SLC6A3: variants seen among roughly 807,000 people sequenced by gnomAD.
SLC6A3 encodes solute carrier family 6 member 3.
SLC6A3 carries 19 observed loss-of-function variants against 70.4 expected under a neutral mutation model. The ratio of observed to expected loss-of-function variants is 0.27; its 90% CI spans 0.19 to 0.40. The LOEUF is 0.40. Ranked by LOEUF, SLC6A3 falls within the 10% of genes least tolerant of loss-of-function variation. The pLI is 1.00. For missense variants in SLC6A3, 613 were observed against 838.5 expected (o/e 0.73, Z 3.32); for synonymous variants, 368 against 356.6 (o/e 1.03, Z -0.36).
chr5:1,419,787 C>T (rs1331939945), intron 6 of SLC6A3, among the ~76,000 whole-genome samples: 1 of 145,056 alleles, frequency 6.9e-6, no homozygotes, highest in Non-Finnish European at 1.5e-5. Context: ...GGCACACTTC[C>T]ACCCCCACCC....
At position 1,396,641 on chromosome 5, in the gene SLC6A3, G is replaced by T. The variant is rs745801306; in HGVS notation, c.1840-1883C>A. Among the ~76,000 whole-genome samples the T allele has an allele frequency of 1.3e-5, 2 of 150,172 alleles. No individual in the cohort carries two copies. The highest frequency in any genetic ancestry group is 4.8e-5 in the African/African-American group (2 of 41,304). Reference sequence around the variant, plus strand: ...CTGAGGGTTCAGACGAGCACATCCCGCTGTGAATGAGGAGGCTGGGGAGAG... The same window carrying T: ...CTGAGGGTTCAGACGAGCACATCCCTCTGTGAATGAGGAGGCTGGGGAGAG... On this transcript the variant is annotated intron_variant, in intron 14 of 14. Transcript: ENST00000270349. The surrounding 1 kb of genome is among the most constrained non-coding windows in gnomAD (Gnocchi z 7.0).
chr5:1,423,659 C>G (rs1025227989), intron 4 of SLC6A3, among the ~76,000 whole-genome samples: 2 of 152,212 alleles, frequency 1.3e-5, no homozygotes, highest in Non-Finnish European at 2.9e-5. Flanking sequence ...GCTCCTTGCC[C>G]CAGGCACAGG....
chr5:1,398,436 G>A (rs1335583226), intron 14 of SLC6A3, among the ~76,000 whole-genome samples: 1 of 151,506 alleles, frequency 6.6e-6, no homozygotes, highest in Non-Finnish European at 1.5e-5. Context: ...ATAAAAATGA[G>A]TGAACCAAGA....
intron 2 of SLC6A3, among the ~76,000 whole-genome samples, chr5:1,441,860 T>G (rs1353509688): frequency 6.6e-6 from 1 of 152,130 alleles, no homozygotes; most frequent in East Asian, 1.9e-4. Context: ...CCTCTTTGCC[T>G]CTTGAGTTGT....
rs569552884 is a variant in SLC6A3, at chr5:1,417,099, A to G, written c.928-898T>C. Among the ~76,000 whole-genome samples, 3 of 151,330 alleles carry G rather than the reference A, an allele frequency of 2.0e-5. No homozygotes were observed. In the East Asian group the frequency reaches 5.9e-4, roughly 30 times the overall value. On this transcript the variant is annotated intron_variant, in intron 6 of 14. Transcript: ENST00000270349. Reference sequence around the variant, plus strand: ...CACAACCCCCTGAGTGTGTCCCCCCATCCCATGTGCGCCCTGCTGCATGAT... The same window carrying G: ...CACAACCCCCTGAGTGTGTCCCCCCGTCCCATGTGCGCCCTGCTGCATGAT...
At chr5:1,407,014 C>T (rs3776511) in intron 11 of SLC6A3, among the ~76,000 whole-genome samples, 22,561 of 152,228 alleles carry the variant, frequency 0.15, 1,926 homozygotes, top group Non-Finnish European at 0.2. Flanking sequence ...ATGAGTATAC[C>T]GTCACTGTGT....
At chr5:1,417,294 G>T (rs562928505) in intron 6 of SLC6A3, among the ~76,000 whole-genome samples, 1 of 151,760 alleles carries the variant, frequency 6.6e-6, no homozygotes, top group South Asian at 2.1e-4. Context: ...TGATGGTGGC[G>T]CCCTGACAAC....
intron 6 of SLC6A3, chr5:1,416,481 A>G (rs960500443): frequency 2.2e-5 from 12 of 549,036 alleles, no homozygotes; most frequent in Non-Finnish European, 3.9e-5. Context: ...ACAGAACCAG[A>G]GGTGCCCTGC....
chr5:1,443,731 T>C (rs1276870866), intron 1 of SLC6A3, among the ~76,000 whole-genome samples: 1 of 152,148 alleles, frequency 6.6e-6, no homozygotes, highest in African/African-American at 2.4e-5. Flanking sequence ...TGGAATACAG[T>C]TGTGATTACA....
At chr5:1,420,545 A>C in intron 6 of SLC6A3, 24 bp downstream of exon 6, 1 of 1,612,820 alleles carries the variant, frequency 6.2e-7, no homozygotes, top group Non-Finnish European at 8.5e-7. Context: ...GTGGACTGTG[A>C]AGCAGTGAGC....
At chr5:1,400,607 T>C (rs1162409548) in intron 14 of SLC6A3, among the ~76,000 whole-genome samples, 2 of 152,130 alleles carry the variant, frequency 1.3e-5, no homozygotes, top group Non-Finnish European at 2.9e-5. Context: ...TTAACCTGGC[T>C]CAGCTGGCCC....
intron 8 of SLC6A3, among the ~76,000 whole-genome samples, chr5:1,412,428 G>C (rs1384022479): frequency 6.6e-6 from 1 of 152,224 alleles, no homozygotes; most frequent in Non-Finnish European, 1.5e-5. Flanking sequence ...CTGCAAGCGA[G>C]GGGCACGCCA....
chr5:1,420,844 G>A, intron 5 of SLC6A3, 141 bp from the exon 6 acceptor site: 1 of 856,338 alleles, frequency 1.2e-6, no homozygotes, highest in Non-Finnish European at 1.9e-6. Flanking sequence ...TGGGACGCCA[G>A]CTCAGCAAAT....
In SLC6A3 at chr5:1,429,237, C is replaced by A. The variant is rs749244669; in HGVS notation, c.653+3227G>T. Reference sequence around the variant, plus strand: ...GTCACTGGGGCCTGTTTCAGGGGAACCTCAGTCCCACTGGTGGGAAAATCA... The same window carrying A: ...GTCACTGGGGCCTGTTTCAGGGGAAACTCAGTCCCACTGGTGGGAAAATCA... On this transcript the variant is annotated intron_variant, in intron 4 of 14. Coordinates refer to ENST00000270349, the MANE Select transcript of SLC6A3 (RefSeq NM_001044.5). Among the ~76,000 whole-genome samples, 3 of 152,236 alleles carry A rather than the reference C, an allele frequency of 2.0e-5. No individual in the cohort carries two copies. In the East Asian group the frequency reaches 5.8e-4, roughly 29 times the overall value.
rs117265853 is a variant in SLC6A3 at position 1,437,521 on chromosome 5, C to T, written c.418+3838G>A. On this transcript the variant is annotated intron_variant, in intron 3 of 14. Transcript: ENST00000270349. This position sits in a 1 kb window ranked among gnomAD's most constrained non-coding sequence, Gnocchi z 4.8. Reference sequence around the variant, plus strand: ...GAGACGGAGAGTTTTAAAGACCCACCTCTCAGGACCCTGGGGTGCACTGCG... The same window carrying T: ...GAGACGGAGAGTTTTAAAGACCCACTTCTCAGGACCCTGGGGTGCACTGCG... Among the ~76,000 whole-genome samples the T allele has an allele frequency of 1.3e-5, 2 of 152,246 alleles. No individual in the cohort carries two copies. The highest frequency in any genetic ancestry group is 1.9e-4 in the East Asian group (1 of 5,166).
At chr5:1,445,078 C>A (rs2126419836) in intron 1 of SLC6A3, among the ~76,000 whole-genome samples, 1 of 152,350 alleles carries the variant, frequency 6.6e-6, no homozygotes, top group East Asian at 1.9e-4. Flanking sequence ...AAGCCGGTGA[C>A]TGCACCAGGT....
intron 3 of SLC6A3, among the ~76,000 whole-genome samples, chr5:1,435,772 G>A (rs1756815614): frequency 1.5e-5 from 2 of 134,140 alleles, no homozygotes; most frequent in Admixed American, 1.5e-4. Flanking sequence ...ACCTGGGTGA[G>A]GAAATGGCTC....
intron 7 of SLC6A3, 51 bp downstream of exon 7, chr5:1,416,047 A>AC (rs1756282622): frequency 1.5e-6 from 2 of 1,351,422 alleles, no homozygotes; most frequent in Non-Finnish European, 1.1e-6. Context: ...GAAGTCAGCG[A>AC]CCTCTCCCTA....
intron 14 of SLC6A3, among the ~76,000 whole-genome samples, chr5:1,399,060 C>T (rs1383722767): frequency 2.6e-5 from 4 of 152,198 alleles, no homozygotes; most frequent in East Asian, 3.9e-4. Context: ...AGATGTGCAA[C>T]GTTTATCAAA....
Sources: gnomAD v4.1 joint callset for allele counts (sites outside exome capture counted in the v4.1 genomes callset) on GRCh38, gnomAD v4.1.1 for gene constraint, Gnocchi (gnomAD v3.1) non-coding constraint, MANE v1.5 for transcripts, NCBI Gene and HGNC (gene_info 2026-07-23, HGNC 2026-07-21) for gene names.